Variants in FSTL4 observed in about 807,000 individuals in gnomAD.
FSTL4 encodes follistatin like 4.
In FSTL4, 28 loss-of-function variants were observed where a neutral mutation model predicts 78.2. The ratio of observed to expected loss-of-function variants is 0.36; its 90% CI spans 0.27 to 0.49. FSTL4 has a LOEUF of 0.49. FSTL4 is among the 20% of genes least tolerant of loss of function. The pLI is 0.98. For missense variants in FSTL4, 922 were observed against 1,084.9 expected (o/e 0.85, Z 2.11); for synonymous variants, 422 against 440.5 (o/e 0.96, Z 0.53).
rs1751291121 is a variant in FSTL4 at position 133,225,253 on chromosome 5, A to G, written c.1209T>C (p.Val403=). Residue 403 remains valine (V), a synonymous_variant, in exon 10 of 16, where the codon GTT becomes GTC. Transcript: ENST00000265342. This position sits in a 1 kb window ranked among gnomAD's most constrained non-coding sequence, Gnocchi z 4.6. ...TGTATGCCCCTGTGTCTTCATACCG[A>G]ACACTGCTGATGTGGAGTTCGCTCC... The part of the protein sequence containing the change: ...ANGSELHISS[V]RYEDTGAYTC... 1.2e-6 allele frequency: 2 copies of G among 1,614,036 alleles called. No homozygotes were observed. Among genetic ancestry groups the G allele is most frequent in the South Asian group, 2.2e-5 (2 of 91,084 alleles).
chr5:133,489,869 C>T (rs78947856), intron 3 of FSTL4, among the ~76,000 whole-genome samples: 34,228 of 152,108 alleles, frequency 0.23, 4,573 homozygotes, highest in East Asian at 0.36. Context: ...TTACCTCTAG[C>T]CCTGAAAGCC....
intron 4 of FSTL4, among the ~76,000 whole-genome samples, chr5:133,346,399 T>TA (rs1382639295): frequency 1.3e-5 from 2 of 152,138 alleles, no homozygotes; most frequent in Non-Finnish European, 2.9e-5. Context: ...TCCCAGAACT[T>TA]AAAGTATAAT....
the FSTL4 span, among the ~76,000 whole-genome samples, chr5:133,673,344 G>T: frequency 1.3e-5 from 2 of 152,340 alleles, no homozygotes; most frequent in East Asian, 1.9e-4. Flanking sequence ...GCAGTCACCA[G>T]GGCAGAGCAG....
At chr5:133,237,073 G>A (rs917969346) in intron 7 of FSTL4, among the ~76,000 whole-genome samples, 2 of 152,140 alleles carry the variant, frequency 1.3e-5, no homozygotes, top group South Asian at 4.1e-4. Flanking sequence ...TTTGACAGCC[G>A]AGGTGCCCAC....
chr5:133,736,239 G>A, the FSTL4 span, among the ~76,000 whole-genome samples: 2 of 152,208 alleles, frequency 1.3e-5, no homozygotes, highest in Non-Finnish European at 2.9e-5. Context: ...GGGACTAGAA[G>A]AGGCAGAACT....
chr5:133,515,859 A>G (rs1050086618), intron 3 of FSTL4, among the ~76,000 whole-genome samples: 2 of 152,218 alleles, frequency 1.3e-5, no homozygotes. Flanking sequence ...AGGAGGGCAA[A>G]CAATATTCAA....
At chr5:133,672,393 G>T in the FSTL4 span, among the ~76,000 whole-genome samples, 1 of 152,170 alleles carries the variant, frequency 6.6e-6, no homozygotes, top group African/African-American at 2.4e-5. Context: ...CCCATTTTTG[G>T]TTTAAGCCAG....
intron 4 of FSTL4, among the ~76,000 whole-genome samples, chr5:133,332,722 GGTAA>G (rs1754376530): frequency 6.6e-6 from 1 of 151,942 alleles, no homozygotes; most frequent in African/African-American, 2.4e-5. Flanking sequence ...GAAATCATCT[GGTAA>G]GTGAGGCTCA....
the FSTL4 span, among the ~76,000 whole-genome samples, chr5:133,635,288 C>T: frequency 6.6e-6 from 1 of 152,218 alleles, no homozygotes; most frequent in South Asian, 2.1e-4. Flanking sequence ...AACATGACTA[C>T]TGTGGTCAGA....
Position 133,232,895 on chromosome 5 carries a change from C to G in FSTL4, c.1015+522G>C, listed in dbSNP as rs1751536979. Reference sequence around the variant, plus strand: ...AGGGCCTGTGAGAATCAAGGAAAAGCTTCCAAGCCTCAGTTTCTGTCCTGG... The same window carrying G: ...AGGGCCTGTGAGAATCAAGGAAAAGGTTCCAAGCCTCAGTTTCTGTCCTGG... On this transcript the variant is annotated intron_variant, in intron 8 of 15. Coordinates refer to ENST00000265342, the MANE Select transcript of FSTL4 (RefSeq NM_015082.2). 2.0e-5 allele frequency among the ~76,000 whole-genome samples: 3 copies of G among 152,326 alleles called. No individual in the cohort carries two copies. In the South Asian group the frequency reaches 6.2e-4, roughly 32 times the overall value.
At chr5:133,787,726 T>G in the FSTL4 span, among the ~76,000 whole-genome samples, 2 of 152,110 alleles carry the variant, frequency 1.3e-5, no homozygotes, top group Non-Finnish European at 2.9e-5. Context: ...TCCCATGAGC[T>G]GACTCAAGTC....
intron 3 of FSTL4, among the ~76,000 whole-genome samples, chr5:133,404,942 G>A (rs1184907818): frequency 1.3e-5 from 2 of 152,176 alleles, no homozygotes; most frequent in Non-Finnish European, 2.9e-5. Context: ...CTCAGGGACA[G>A]TGCCCCAAGT....
the FSTL4 span, among the ~76,000 whole-genome samples, chr5:133,808,282 G>A: frequency 6.6e-5 from 10 of 152,242 alleles, no homozygotes; most frequent in Admixed American, 2.6e-4. Context: ...CTGAGAGCTC[G>A]TGGAGCCCTC....
At chr5:133,607,049 A>C (rs1760992354) in intron 1 of FSTL4, among the ~76,000 whole-genome samples, 1 of 151,762 alleles carries the variant, frequency 6.6e-6, no homozygotes, top group South Asian at 2.1e-4. Context: ...GTAAGATTGT[A>C]TCTGGAAACA....
At chr5:133,632,147 A>C in the FSTL4 span, among the ~76,000 whole-genome samples, 1 of 152,278 alleles carries the variant, frequency 6.6e-6, no homozygotes, top group Non-Finnish European at 1.5e-5. Context: ...AAAGTATAAT[A>C]ATTAAAAAGA....
At chr5:133,268,240 G>A (rs1177263558) in intron 6 of FSTL4, among the ~76,000 whole-genome samples, 1 of 152,088 alleles carries the variant, frequency 6.6e-6, no homozygotes, top group Non-Finnish European at 1.5e-5. Context: ...CCCCTTCCTG[G>A]GAGCTTCATC....
chr5:133,620,180 GGT>G, the FSTL4 span, among the ~76,000 whole-genome samples: 1 of 152,028 alleles, frequency 6.6e-6, no homozygotes, highest in South Asian at 2.1e-4. Flanking sequence ...TTCAAGAATT[GGT>G]GCCTAAAATT....
chr5:133,687,438 A>C, the FSTL4 span, among the ~76,000 whole-genome samples: 3 of 152,182 alleles, frequency 2.0e-5, no homozygotes, highest in Non-Finnish European at 2.9e-5. Context: ...TTTACCTTTC[A>C]ATCCCGCAAG....
chr5:133,523,703 A>G (rs758371222), intron 3 of FSTL4, among the ~76,000 whole-genome samples: 3 of 152,216 alleles, frequency 2.0e-5, no homozygotes, highest in Non-Finnish European at 4.4e-5. Flanking sequence ...CAGGTACTCA[A>G]TAAACAGCAA....
Sources: allele counts gnomAD v4.1 joint callset (sites outside exome capture counted in the v4.1 genomes callset), GRCh38; gene constraint gnomAD v4.1.1; non-coding constraint Gnocchi (gnomAD v3.1); transcripts MANE v1.5; gene names NCBI Gene and HGNC (gene_info 2026-07-23, HGNC 2026-07-21).